The following ATP5F1E variants were observed in gnomAD, a reference collection of about 807,000 sequenced individuals.
ATP5F1E encodes the protein ATP synthase F1 subunit epsilon.
In ATP5F1E, 5 loss-of-function variants were observed where a neutral mutation model predicts 7.0. The ratio of observed to expected loss-of-function variants is 0.71; its 90% CI spans 0.37 to 1.49. The LOEUF is 1.49. Among genes scored for constraint, ATP5F1E ranks in the 40% most tolerant of loss-of-function variants. The pLI is 0.03. For missense variants in ATP5F1E, 59 were observed against 57.1 expected (o/e 1.03, Z -0.11); for synonymous variants, 20 against 20.1 (o/e 0.99, Z 0.02).
At chr20:59,030,832 T>G (rs2092022990) in intron 1 of ATP5F1E, among the ~76,000 whole-genome samples, 1 of 152,260 alleles carries the variant, frequency 6.6e-6, no homozygotes, top group African/African-American at 2.4e-5. Context: ...TTAATTATAT[T>G]ATTCTTGGAA....
rs2091996701 is a variant in ATP5F1E, at chr20:59,026,748, C to G, written c.*2097G>C. 6.6e-6 allele frequency: 1 copy of G among 152,218 alleles called. No individual in the cohort carries two copies. The highest frequency in any genetic ancestry group is 1.5e-5 in the Non-Finnish European group (1 of 68,030). 9.4% of individuals were successfully genotyped at this position (152,218 alleles called of 1,614,324 possible). The stretch of plus-strand genomic sequence containing the variant: ...AATAGATGTAAAAACACAAAACAAA[C>G]TAGAAACTTAAGAAATCTGTCCCTT... On this transcript the variant is annotated 3_prime_UTR_variant, in exon 3 of 3. Coordinates refer to ENST00000243997, the MANE Select transcript of ATP5F1E (RefSeq NM_006886.4).
rs1371425161 is a variant in ATP5F1E, at chr20:59,026,869, T to A, written c.*1976A>T. The A allele has an allele frequency of 6.6e-6, 1 of 152,236 alleles. No individual in the cohort carries two copies. The highest frequency in any genetic ancestry group is 2.4e-5 in the African/African-American group (1 of 41,458). The allele number at this position is 152,236 out of a possible 1,614,324, so 9.4% of individuals were successfully genotyped here. A position where few individuals can be genotyped will look rare whatever the true frequency, so the allele number is the denominator to read the frequency against. On this transcript the variant is annotated 3_prime_UTR_variant, in exon 3 of 3. Coordinates refer to ENST00000243997, the MANE Select transcript of ATP5F1E (RefSeq NM_006886.4). The stretch of plus-strand genomic sequence containing the variant: ...TCACCGAAATTTAGAGCTTATCCGA[T>A]TCCTTCACTTTGCTCACAAGAACGA...
At position 59,026,829 on chromosome 20, in the gene ATP5F1E, C is replaced by T. The variant is rs1370453974; in HGVS notation, c.*2016G>A. On this transcript the variant is annotated 3_prime_UTR_variant, in exon 3 of 3. Transcript: ENST00000243997. The stretch of plus-strand genomic sequence containing the variant: ...ACGGTTGCTCCAGCGACCTTGGTCT[C>T]TCAGAGCAGCAGCATCACCGAAATT... 6.6e-6 allele frequency: 1 copy of T among 152,240 alleles called. No individual in the cohort carries two copies. The highest frequency in any genetic ancestry group is 1.5e-5 in the Non-Finnish European group (1 of 68,058). 9.4% of individuals were successfully genotyped at this position (152,240 alleles called of 1,614,324 possible). A position where few individuals can be genotyped will look rare whatever the true frequency, so the allele number is the denominator to read the frequency against.
intron 1 of ATP5F1E, among the ~76,000 whole-genome samples, chr20:59,031,532 C>T (rs1160957577): frequency 1.3e-5 from 2 of 152,180 alleles, no homozygotes; most frequent in Admixed American, 6.5e-5. Flanking sequence ...GAGCAAGGTA[C>T]TTCTGCTCAC....
Position 59,026,028 on chromosome 20 carries a change from A to T in ATP5F1E, c.*2817T>A, listed in dbSNP as rs536647767. 5 of 152,338 alleles carry T rather than the reference A, an allele frequency of 3.3e-5. No homozygotes were observed. The East Asian group carries it at 7.7e-4, about 23-fold the overall frequency. The allele number at this position is 152,338 out of a possible 1,614,324, so 9.4% of individuals were successfully genotyped here. A position where few individuals can be genotyped will look rare whatever the true frequency, so the allele number is the denominator to read the frequency against. On this transcript the variant is annotated 3_prime_UTR_variant, in exon 3 of 3. Coordinates refer to ENST00000243997, the MANE Select transcript of ATP5F1E (RefSeq NM_006886.4). ...ACCACTGAGATACACTATTTGATCC[A>T]TGGATAACCGGTAATGGGAAAATGC... is the stretch of plus-strand genomic sequence containing the variant.
chr20:59,027,477 A>C lies in ATP5F1E; in HGVS notation c.*1368T>G, dbSNP rs1038986224. On this transcript the variant is annotated 3_prime_UTR_variant, in exon 3 of 3. Transcript: ENST00000243997. ...CCTCCTTAATAAATGACTTATCTCT[A>C]ATTACTTGACTGGAAATCATTTAGC... is the stretch of plus-strand genomic sequence containing the variant. 4 of 152,186 alleles carry C rather than the reference A, an allele frequency of 2.6e-5. No individual in the cohort carries two copies. The highest frequency in any genetic ancestry group is 5.9e-5 in the Non-Finnish European group (4 of 68,036). 9.4% of individuals were successfully genotyped at this position (152,186 alleles called of 1,614,324 possible).
Position 59,028,464 on chromosome 20 carries a change from G to A in ATP5F1E, c.*381C>T, listed in dbSNP as rs2092006296. 6.6e-6 allele frequency: 1 copy of A among 152,156 alleles called. No homozygotes were observed. 9.4% of individuals were successfully genotyped at this position (152,156 alleles called of 1,614,324 possible). On this transcript the variant is annotated 3_prime_UTR_variant, in exon 3 of 3. Transcript: ENST00000243997. ...CAACAATTCAAAAATAAGGGACTAC[G>A]AAGCCTCAATGACAGCAGATAATTT...
At position 59,026,874 on chromosome 20, in the gene ATP5F1E, T is replaced by TCAA. The variant is rs961479960; in HGVS notation, c.*1970_*1971insTTG. The TCAA allele has an allele frequency of 3.3e-5, 5 of 152,222 alleles. No homozygotes were observed. The highest frequency in any genetic ancestry group is 1.2e-4 in the African/African-American group (5 of 41,450). The allele number at this position is 152,222 out of a possible 1,614,324, so 9.4% of individuals were successfully genotyped here. On this transcript the variant is annotated 3_prime_UTR_variant, in exon 3 of 3. Transcript: ENST00000243997. ...GAAATTTAGAGCTTATCCGATTCCTTCACTTTGCTCACAAGAACGATGTGA... is the reference window on the plus strand; with the variant it reads ...GAAATTTAGAGCTTATCCGATTCCTTCAACACTTTGCTCACAAGAACGATGTGA...
At chr20:59,031,613 C>T (rs919696701) in intron 1 of ATP5F1E, among the ~76,000 whole-genome samples, 10 of 152,238 alleles carry the variant, frequency 6.6e-5, no homozygotes, top group African/African-American at 2.4e-4. Flanking sequence ...CTATGAGACA[C>T]CATGTCCTCA....
In ATP5F1E at chr20:59,027,507, T is replaced by C. The variant is rs2092000684; in HGVS notation, c.*1338A>G. 1 of 152,228 alleles carries C rather than the reference T, an allele frequency of 6.6e-6. No homozygotes were observed. Among genetic ancestry groups the C allele is most frequent in the African/African-American group, 2.4e-5 (1 of 41,452 alleles). The allele number at this position is 152,228 out of a possible 1,614,324, so 9.4% of individuals were successfully genotyped here. ...CTTGACTGGAAATCATTTAGCCCCT[T>C]TGCCTATTAGTTACTTTATTCGTCC... is the stretch of plus-strand genomic sequence containing the variant. On this transcript the variant is annotated 3_prime_UTR_variant, in exon 3 of 3. Transcript: ENST00000243997.
rs1463913723 is a variant in ATP5F1E, at chr20:59,028,343, A to G, written c.*502T>C. On this transcript the variant is annotated 3_prime_UTR_variant, in exon 3 of 3. Transcript: ENST00000243997. ...AGGCTTTAAGTGCACAATACAAAACAAGTACAATTTAGTATTTCTTCTTCT... is the reference window on the plus strand; with the variant it reads ...AGGCTTTAAGTGCACAATACAAAACGAGTACAATTTAGTATTTCTTCTTCT... The G allele has an allele frequency of 1.3e-5, 2 of 152,064 alleles. No homozygotes were observed. The highest frequency in any genetic ancestry group is 4.8e-5 in the African/African-American group (2 of 41,428). The allele number at this position is 152,064 out of a possible 1,614,324, so 9.4% of individuals were successfully genotyped here.
In ATP5F1E at chr20:59,026,249, G is replaced by A. The variant is rs897726715; in HGVS notation, c.*2596C>T. On this transcript the variant is annotated 3_prime_UTR_variant, in exon 3 of 3. Transcript: ENST00000243997. The stretch of plus-strand genomic sequence containing the variant: ...ACCAAGAGAAAAATACCTTGCCATC[G>A]GATCATCAACAAGTCTTCTATTTAC... The A allele has an allele frequency of 2.0e-5, 3 of 152,120 alleles. No homozygotes were observed. Among genetic ancestry groups the A allele is most frequent in the African/African-American group, 4.8e-5 (2 of 41,422 alleles). 9.4% of individuals were successfully genotyped at this position (152,120 alleles called of 1,614,324 possible).
At chr20:59,032,129 G>T in intron 1 of ATP5F1E, 91 bp downstream of exon 1, 1 of 1,514,294 alleles carries the variant, frequency 6.6e-7, no homozygotes, top group Middle Eastern at 2.3e-4. Context: ...TCACGCGTGG[G>T]GCCGCTGCTC....
At chr20:59,031,427 G>A (rs552362502) in intron 1 of ATP5F1E, among the ~76,000 whole-genome samples, 1 of 152,188 alleles carries the variant, frequency 6.6e-6, no homozygotes, top group Non-Finnish European at 1.5e-5. Flanking sequence ...AGACTTCGCT[G>A]GCTTGACCTC....
chr20:59,030,287 T>C lies in ATP5F1E; in HGVS notation c.*3+16A>G. 3 of 1,612,784 alleles carry C rather than the reference T, an allele frequency of 1.9e-6. No individual in the cohort carries two copies. Among genetic ancestry groups the C allele is most frequent in the African/African-American group, 2.7e-5 (2 of 75,028 alleles). Reference sequence around the variant, plus strand: ...CTTAAGATGCAACTGTTCTTCTAAATAAATCCATAACTTACAGATTATTCC... The same window carrying C: ...CTTAAGATGCAACTGTTCTTCTAAACAAATCCATAACTTACAGATTATTCC... On this transcript the variant is annotated intron_variant, in intron 2 of 2. Transcript: ENST00000243997.
chr20:59,025,761 A>C lies in ATP5F1E; in HGVS notation c.*3084T>G, dbSNP rs1443581726. On this transcript the variant is annotated 3_prime_UTR_variant, in exon 3 of 3. Coordinates refer to ENST00000243997, the MANE Select transcript of ATP5F1E (RefSeq NM_006886.4). ...GCAGTGTCCTTCTCAGTTATGGAGG[A>C]CATCGTCTCATTAGGGAACTTTTAC... The C allele has an allele frequency of 2.6e-5, 4 of 152,256 alleles. No homozygotes were observed. Among genetic ancestry groups the C allele is most frequent in the African/African-American group, 9.6e-5 (4 of 41,474 alleles). The allele number at this position is 152,256 out of a possible 1,614,324, so 9.4% of individuals were successfully genotyped here. A position where few individuals can be genotyped will look rare whatever the true frequency, so the allele number is the denominator to read the frequency against.
Position 59,030,349 on chromosome 20 carries a change from G to C in ATP5F1E, c.113C>G (p.Thr38Ser), listed in dbSNP as rs2092018621. ...KTEFKANAEK[T>S]SGSNVKIVKV... ...CACAATTTTTACGTTGCTGCCAGAA[G>C]TCTTCTCAGCATTTGCTTTGAATTC... The change falls in exon 2 of 3, where the codon ACT becomes AGT. Residue 38 changes from threonine to serine, a missense_variant. Physicochemically the swap from Thr to Ser is moderately conservative, Grantham distance 58 (BLOSUM62 1). Transcript: ENST00000243997. The C allele has an allele frequency of 6.2e-7, 1 of 1,613,798 alleles. No individual in the cohort carries two copies. The highest frequency in any genetic ancestry group is 1.3e-5 in the African/African-American group (1 of 74,886).
At chr20:59,031,701 C>T (rs1456711163) in intron 1 of ATP5F1E, among the ~76,000 whole-genome samples, 1 of 152,098 alleles carries the variant, frequency 6.6e-6, no homozygotes, top group African/African-American at 2.4e-5. Context: ...GGCTTTCACC[C>T]CTTTTAGACA....
At position 59,025,530 on chromosome 20, in the gene ATP5F1E, T is replaced by C. The variant is rs544584091; in HGVS notation, c.*3315A>G. The stretch of plus-strand genomic sequence containing the variant: ...CTAGCCTTTAACATATATGTTTATA[T>C]AGTTTAAATTTCTTACTACTGTTAG... On this transcript the variant is annotated 3_prime_UTR_variant, in exon 3 of 3. Transcript: ENST00000243997. 6.6e-6 allele frequency: 1 copy of C among 152,428 alleles called. No individual in the cohort carries two copies. The highest frequency in any genetic ancestry group is 1.5e-5 in the Non-Finnish European group (1 of 68,078). 9.4% of individuals were successfully genotyped at this position (152,428 alleles called of 1,614,324 possible).
Sources: gnomAD v4.1 joint callset for allele counts (sites outside exome capture counted in the v4.1 genomes callset) on GRCh38, gnomAD v4.1.1 for gene constraint, MANE v1.5 for transcripts, NCBI Gene and HGNC (gene_info 2026-07-23, HGNC 2026-07-21) for gene names.